PLD5: variants seen among roughly 807,000 people sequenced by gnomAD.
PLD5 encodes the protein phospholipase D family member 5.
In PLD5, 36 loss-of-function variants were observed where a neutral mutation model predicts 61.1. That is an observed-to-expected ratio of 0.59 (90% confidence interval 0.45 to 0.78). PLD5 has a LOEUF of 0.78. PLD5 is among the 30% of genes least tolerant of loss of function. The pLI is 0.00. For missense variants in PLD5, 515 were observed against 644.4 expected (o/e 0.80, Z 2.17); for synonymous variants, 243 against 242.8 (o/e 1.00, Z -0.01).
chr1:242,098,759 G>C (rs935106361), intron 9 of PLD5, among the ~76,000 whole-genome samples: 1 of 152,166 alleles, frequency 6.6e-6, no homozygotes, highest in Non-Finnish European at 1.5e-5. Flanking sequence ...CTTTCTGTTT[G>C]TTAGTTTTCC....
intron 3 of PLD5, among the ~76,000 whole-genome samples, chr1:242,276,698 T>A (rs1227593563): frequency 2.0e-5 from 3 of 151,704 alleles, no homozygotes; most frequent in Non-Finnish European, 4.4e-5. Context: ...AGGAGTTCAG[T>A]GCCACAGACC....
intron 1 of PLD5, among the ~76,000 whole-genome samples, chr1:242,359,225 T>A (rs1660933337): frequency 6.6e-6 from 1 of 152,220 alleles, no homozygotes; most frequent in Admixed American, 6.5e-5. Flanking sequence ...TGTTTCCTGT[T>A]TCCTGTGAGG....
At chr1:242,298,084 ATTT>A (rs1240434959) in intron 2 of PLD5, among the ~76,000 whole-genome samples, 1 of 151,948 alleles carries the variant, frequency 6.6e-6, no homozygotes, top group Non-Finnish European at 1.5e-5. Flanking sequence ...TTAATACTTT[ATTT>A]TTTGTCACCA....
In PLD5 at chr1:242,207,991, T is replaced by TACACACACACACACACAC. The variant is rs34110062; in HGVS notation, c.735+11979_735+11996dup. ...ATATATATTTTTATATATATATTTATACACACACACACACACACACACACA... is the reference window on the plus strand; with the variant it reads ...ATATATATTTTTATATATATATTTATACACACACACACACACACACACACACACACACACACACACACA... On this transcript the variant is annotated intron_variant, in intron 5 of 9. Transcript: ENST00000536534. Among the ~76,000 whole-genome samples the TACACACACACACACACAC allele has an allele frequency of 2.2e-4, 9 of 40,258 alleles. No homozygotes were observed. In the East Asian group the frequency reaches 2.8e-3, roughly 12 times the overall value. The allele number at this position is 40,258 out of a possible 152,430, so 26.4% of individuals were successfully genotyped here.
intron 3 of PLD5, among the ~76,000 whole-genome samples, chr1:242,273,601 T>G (rs1398095902): frequency 6.6e-6 from 1 of 152,166 alleles, no homozygotes; most frequent in East Asian, 1.9e-4. Context: ...AAAAAATGGC[T>G]CCCCAAAGAT....
At chr1:242,291,639 T>C (rs950273638) in intron 2 of PLD5, among the ~76,000 whole-genome samples, 1 of 152,002 alleles carries the variant, frequency 6.6e-6, no homozygotes, top group African/African-American at 2.4e-5. Context: ...ACCCCGTCTC[T>C]ACTAAAAATA....
At chr1:242,173,571 A>G (rs1217666641) in intron 5 of PLD5, among the ~76,000 whole-genome samples, 1 of 152,216 alleles carries the variant, frequency 6.6e-6, no homozygotes, top group Non-Finnish European at 1.5e-5. Context: ...GAACCAAAAA[A>G]GAGCCTGCAT....
At chr1:242,212,634 AC>A (rs137907367) in intron 5 of PLD5, among the ~76,000 whole-genome samples, 3,280 of 152,302 alleles carry the variant, frequency 0.022, 86 homozygotes, top group East Asian at 0.097. Context: ...AAGGAGCAGT[AC>A]AGAAAGAAGC....
rs1171769552 is a variant in PLD5 at position 242,454,928 on chromosome 1, T to G, written c.189+69160A>C. 2.0e-5 allele frequency among the ~76,000 whole-genome samples: 3 copies of G among 152,362 alleles called. No individual in the cohort carries two copies. In the East Asian group the frequency reaches 5.8e-4, roughly 29 times the overall value. Reference sequence around the variant, plus strand: ...TCTTTTCTTCAGCTGTCAGGAATTATGTATGTGCCTGTTCTTCTTTTTTAC... The same window carrying G: ...TCTTTTCTTCAGCTGTCAGGAATTAGGTATGTGCCTGTTCTTCTTTTTTAC... On this transcript the variant is annotated intron_variant, in intron 1 of 9. Transcript: ENST00000536534.
chr1:242,331,995 T>C (rs1201338603), intron 2 of PLD5, among the ~76,000 whole-genome samples: 1 of 141,718 alleles, frequency 7.1e-6, no homozygotes, highest in African/African-American at 2.6e-5. Context: ...CATCAACCCG[T>C]CATCTACACT....
chr1:242,114,057 G>T (rs375817268), intron 6 of PLD5, 31 bp from the exon 7 acceptor site: 7 of 1,598,336 alleles, frequency 4.4e-6, no homozygotes, highest in Non-Finnish European at 6.0e-6. Flanking sequence ...AACTTTTAGC[G>T]TACTAATTTT....
intron 4 of PLD5, among the ~76,000 whole-genome samples, chr1:242,228,875 A>G (rs1161661762): frequency 6.6e-6 from 1 of 152,180 alleles, no homozygotes; most frequent in African/African-American, 2.4e-5. Context: ...ACTTTCTGTG[A>G]GTTCCTCTAA....
At chr1:242,248,496 T>C (rs1252385324) in intron 4 of PLD5, among the ~76,000 whole-genome samples, 1 of 150,152 alleles carries the variant, frequency 6.7e-6, no homozygotes, top group African/African-American at 2.5e-5. Context: ...AAAAAAAGAA[T>C]AGCCAATCAC....
chr1:242,113,942 C>T lies in PLD5; in HGVS notation c.1018G>A (p.Val340Met). 6.2e-6 allele frequency: 10 copies of T among 1,614,100 alleles called. No homozygotes were observed. The highest frequency in any genetic ancestry group is 8.5e-6 in the Non-Finnish European group (10 of 1,179,982). Residue 340 changes from valine to methionine, a missense_variant, in exon 7 of 10, where the codon GTG becomes ATG. Physicochemically the swap from Val to Met is conservative, Grantham distance 21 (BLOSUM62 1). Around this residue, in one of 2 missense-constraint regions of PLD5, gnomAD observed 450 missense variants for 598.1 expected, o/e 0.75. Coordinates refer to ENST00000536534, the MANE Select transcript of PLD5 (RefSeq NM_001372062.1). The part of the protein sequence containing the change: ...YSVIDDAKQY[V>M]YIAVMDYLPI... ...AGGTAGTCCATGACAGCGATGTACA[C>T]ATACTGCTTGGCATCATCTATCACA... is the stretch of plus-strand genomic sequence containing the variant.
chr1:242,411,288 T>G (rs1572094969), intron 1 of PLD5, among the ~76,000 whole-genome samples: 1 of 152,212 alleles, frequency 6.6e-6, no homozygotes, highest in Non-Finnish European at 1.5e-5. Flanking sequence ...CAGGCTGGAG[T>G]GCAGTGGCAC....
intron 6 of PLD5, among the ~76,000 whole-genome samples, chr1:242,120,599 T>C (rs1406512991): frequency 6.6e-6 from 1 of 152,248 alleles, no homozygotes; most frequent in Non-Finnish European, 1.5e-5. Flanking sequence ...TTCTATTTAA[T>C]GTCAGCCCTC....
At chr1:242,336,005 T>C (rs922347156) in intron 2 of PLD5, among the ~76,000 whole-genome samples, 5 of 152,186 alleles carry the variant, frequency 3.3e-5, no homozygotes, top group African/African-American at 1.2e-4. Context: ...TATCAAACCA[T>C]ATTTCTCCTA....
chr1:242,261,289 C>T (rs942640155), intron 4 of PLD5, among the ~76,000 whole-genome samples: 5 of 152,246 alleles, frequency 3.3e-5, no homozygotes, highest in African/African-American at 7.2e-5. Flanking sequence ...TTTAAACGAA[C>T]GACCCTCCGT....
intron 1 of PLD5, among the ~76,000 whole-genome samples, chr1:242,448,928 C>A (rs1164507326): frequency 2.0e-5 from 3 of 152,192 alleles, no homozygotes; most frequent in Non-Finnish European, 4.4e-5. Flanking sequence ...CAATTCAAAG[C>A]AAGCTGCTTA....
Sources: allele counts gnomAD v4.1 joint callset (sites outside exome capture counted in the v4.1 genomes callset), GRCh38; gene constraint gnomAD v4.1.1; regional missense constraint gnomAD v4.1.1; transcripts MANE v1.5; gene names NCBI Gene and HGNC (gene_info 2026-07-23, HGNC 2026-07-21).